The following SMPD3 variants were observed in gnomAD, a reference collection of about 807,000 sequenced individuals.
SMPD3 encodes the protein sphingomyelin phosphodiesterase 3, also known as nSMase-2.
SMPD3 carries 21 observed loss-of-function variants against 55.7 expected under a neutral mutation model. The observed-to-expected ratio is 0.38, with a 90% confidence interval of 0.27 to 0.54. The LOEUF (loss-of-function observed/expected upper bound fraction) is 0.54, where lower values mean the gene tolerates loss of function less well. Among genes scored for constraint, SMPD3 ranks in the 20% least tolerant of loss-of-function variants. The probability of loss-of-function intolerance (pLI) is 0.80; values close to 1 mark genes in which losing one functional copy is unlikely to be tolerated. For missense variants in SMPD3, 842 were observed against 899.6 expected, an observed-to-expected ratio of 0.94 and a Z score of 0.82; for synonymous variants, 457 against 404.3, an observed-to-expected ratio of 1.13 and a Z score of -1.56.
intron 2 of SMPD3, among the ~76,000 whole-genome samples, chr16:68,385,826 C>A (rs1281005622): frequency 6.6e-6 from 1 of 152,216 alleles, no homozygotes; most frequent in East Asian, 1.9e-4. Context: ...GCTTCTGATA[C>A]ATATTGCCAA....
chr16:68,423,169 C>T (rs2090409375), intron 1 of SMPD3, among the ~76,000 whole-genome samples: 1 of 152,154 alleles, frequency 6.6e-6, no homozygotes, highest in South Asian at 2.1e-4. Context: ...GGTTTTCTGG[C>T]CTCCTTGTCA....
chr16:68,365,227 G>GT lies in SMPD3; in HGVS notation c.1324-136dup, dbSNP rs1346374423. On this transcript the variant is annotated intron_variant, in intron 3 of 8. Transcript: ENST00000219334. ...CTCCTGGCTGGATTCTGGGGTCCGA[G>GT]TAGGGACAGGATGTGTCCTGCTTCT... The GT allele has an allele frequency of 1.8e-5, 15 of 828,392 alleles. No homozygotes were observed. In the Admixed American group the frequency reaches 3.2e-4, roughly 18 times the overall value. The allele number at this position is 828,392 out of a possible 1,614,324, so 51.3% of individuals were successfully genotyped here.
chr16:68,361,454 C>T, intron 8 of SMPD3, 147 bp from the exon 9 acceptor site: 3 of 1,387,890 alleles, frequency 2.2e-6, no homozygotes, highest in East Asian at 2.3e-5. Context: ...CCTGGAGGAC[C>T]TGGGGCCCTA....
intron 1 of SMPD3, among the ~76,000 whole-genome samples, chr16:68,405,124 C>T (rs887128145): frequency 2.0e-5 from 3 of 152,144 alleles, no homozygotes; most frequent in African/African-American, 7.2e-5. Flanking sequence ...AGAGTTTTTT[C>T]CCCCAAGGCA....
At chr16:68,378,746 C>A (rs1358511743) in intron 2 of SMPD3, among the ~76,000 whole-genome samples, 2 of 152,194 alleles carry the variant, frequency 1.3e-5, no homozygotes, top group Non-Finnish European at 2.9e-5. Flanking sequence ...GAAGGTCACA[C>A]AACCCAGCTA....
intron 1 of SMPD3, among the ~76,000 whole-genome samples, chr16:68,421,728 C>A (rs1562480): frequency 0.76 from 115,362 of 152,142 alleles, 44,121 homozygotes; most frequent in East Asian, 0.88. Context: ...CCATTGAGTT[C>A]GACCCATTAA....
intron 1 of SMPD3, among the ~76,000 whole-genome samples, chr16:68,436,353 T>C (rs2090523126): frequency 6.6e-6 from 1 of 152,182 alleles, no homozygotes; most frequent in Non-Finnish European, 1.5e-5. Flanking sequence ...TGCATGTGTG[T>C]GTGTGGTGTG....
intron 1 of SMPD3, among the ~76,000 whole-genome samples, chr16:68,392,028 A>T (rs1287609173): frequency 6.6e-6 from 1 of 152,144 alleles, no homozygotes; most frequent in Non-Finnish European, 1.5e-5. Flanking sequence ...AGTAGGTGGG[A>T]TTACAGGTGC....
chr16:68,440,596 T>C (rs969475472), intron 1 of SMPD3, among the ~76,000 whole-genome samples: 4 of 152,276 alleles, frequency 2.6e-5, no homozygotes, highest in Non-Finnish European at 5.9e-5. Context: ...GAGTGCCTAC[T>C]ATGTACCTGA....
chr16:68,408,373 A>C (rs2090269611), intron 1 of SMPD3, among the ~76,000 whole-genome samples: 1 of 152,220 alleles, frequency 6.6e-6, no homozygotes, highest in Non-Finnish European at 1.5e-5. Context: ...GCTATGAGGA[A>C]TATTCTGCCC....
intron 2 of SMPD3, among the ~76,000 whole-genome samples, chr16:68,382,631 G>GAACT (rs1179037676): frequency 1.3e-5 from 2 of 152,156 alleles, no homozygotes; most frequent in Non-Finnish European, 2.9e-5. Flanking sequence ...GACAGAAAGG[G>GAACT]AACTGAGAGT....
intron 2 of SMPD3, among the ~76,000 whole-genome samples, chr16:68,375,293 G>C (rs2089782653): frequency 2.1e-5 from 2 of 96,048 alleles, no homozygotes; most frequent in African/African-American, 1.1e-4. Context: ...GCCTCCACCA[G>C]CTTTTCCCTC....
At chr16:68,362,306 G>A (rs893101779) in intron 7 of SMPD3, among the ~76,000 whole-genome samples, 3 of 152,222 alleles carry the variant, frequency 2.0e-5, no homozygotes, top group Non-Finnish European at 4.4e-5. Flanking sequence ...GCCCCAAGAC[G>A]CTTCAGGGAA....
chr16:68,422,674 G>A (rs11643701), intron 1 of SMPD3, among the ~76,000 whole-genome samples: 28,778 of 152,074 alleles, frequency 0.19, 3,107 homozygotes, highest in South Asian at 0.26. Flanking sequence ...CTTAGCCACA[G>A]ATCTGAGATG....
At chr16:68,407,653 A>C (rs1271113338) in intron 1 of SMPD3, among the ~76,000 whole-genome samples, 4 of 152,094 alleles carry the variant, frequency 2.6e-5, no homozygotes, top group Non-Finnish European at 5.9e-5. Flanking sequence ...ATTTTTTAAA[A>C]ATTGTTTTTA....
chr16:68,438,892 G>C (rs915667749), intron 1 of SMPD3, among the ~76,000 whole-genome samples: 1 of 152,138 alleles, frequency 6.6e-6, no homozygotes, highest in African/African-American at 2.4e-5. Context: ...AGATTGCCTG[G>C]GTTGGGGTCC....
At chr16:68,433,479 A>T (rs1344430010) in intron 1 of SMPD3, among the ~76,000 whole-genome samples, 6 of 152,252 alleles carry the variant, frequency 3.9e-5, no homozygotes, top group Non-Finnish European at 7.3e-5. Context: ...TCAGGAGTCC[A>T]TAGCACATAA....
At chr16:68,363,956 T>C (rs557183786) in intron 5 of SMPD3, 90 bp from the exon 6 acceptor site, 26 of 1,219,644 alleles carry the variant, frequency 2.1e-5, no homozygotes, top group Admixed American at 6.2e-5. Context: ...TTACTCCCCA[T>C]GTGCTGCCAG....
intron 1 of SMPD3, among the ~76,000 whole-genome samples, chr16:68,421,732 C>A (rs1053253020): frequency 6.6e-6 from 1 of 152,168 alleles, no homozygotes; most frequent in African/African-American, 2.4e-5. Context: ...TGAGTTCGAC[C>A]CATTAAAGAG....
Sources: allele counts gnomAD v4.1 joint callset (sites outside exome capture counted in the v4.1 genomes callset), GRCh38; gene constraint gnomAD v4.1.1; transcripts MANE v1.5; gene names NCBI Gene and HGNC (gene_info 2026-07-23, HGNC 2026-07-21).